Variants in C18orf63 observed in about 807,000 individuals in gnomAD.
The protein encoded by C18orf63 is chromosome 18 open reading frame 63.
A neutral mutation model predicts 75.3 loss-of-function variants in C18orf63; 50 were observed. That is an observed-to-expected ratio of 0.66 (90% confidence interval 0.53 to 0.84). C18orf63 has a LOEUF of 0.84. Among genes scored for constraint, C18orf63 ranks in the 40% least tolerant of loss-of-function variants. The probability of loss-of-function intolerance (pLI) is 0.00; values close to 1 mark genes in which losing one functional copy is unlikely to be tolerated. For missense variants in C18orf63, 732 were observed against 800.2 expected (o/e 0.91, Z 1.03); for synonymous variants, 232 against 267.6 (o/e 0.87, Z 1.30).
At chr18:74,332,996 G>T (rs1043032764) in intron 7 of C18orf63, among the ~76,000 whole-genome samples, 1 of 152,144 alleles carries the variant, frequency 6.6e-6, no homozygotes, top group Non-Finnish European at 1.5e-5. Flanking sequence ...AGATCAGAAT[G>T]TCACTTGTAT....
intron 8 of C18orf63, among the ~76,000 whole-genome samples, chr18:74,341,132 T>C (rs901705392): frequency 4.0e-5 from 6 of 150,866 alleles, no homozygotes; most frequent in South Asian, 2.1e-4. Flanking sequence ...GGCGTAGTGG[T>C]GGGCGCCTGT....
At chr18:74,322,595 G>T in intron 3 of C18orf63, 103 bp from the exon 4 acceptor site, 1 of 345,384 alleles carries the variant, frequency 2.9e-6, no homozygotes, top group Non-Finnish European at 5.2e-6. Flanking sequence ...ATGATGGCCT[G>T]ATTCTTTGCC....
At position 74,341,270 on chromosome 18, in the gene C18orf63, CAAAAAAAAAAA is replaced by C. The variant is rs58362707; in HGVS notation, c.612-739_612-729del. On this transcript the variant is annotated intron_variant, in intron 8 of 13. Transcript: ENST00000579455. ...TGGGCGACAGAGCGAGACTCCGTCT[CAAAAAAAAAAA>C]AAAAAAAAAAAAAAAAAAAAAAGTA... Among the ~76,000 whole-genome samples, 17 of 59,000 alleles carry C rather than the reference CAAAAAAAAAAA, an allele frequency of 2.9e-4. 1 individual carries two copies. Among genetic ancestry groups the C allele is most frequent in the African/African-American group, 3.7e-4 (5 of 13,632 alleles). The allele number at this position is 59,000 out of a possible 152,430, so 38.7% of individuals were successfully genotyped here.
At chr18:74,329,383 A>AAC (rs1231259115) in intron 6 of C18orf63, among the ~76,000 whole-genome samples, 18 of 151,888 alleles carry the variant, frequency 1.2e-4, no homozygotes, top group African/African-American at 4.3e-4. Context: ...CAAAAAAAAA[A>AAC]AAAAAAAAAA....
rs1984598265 is a variant in C18orf63 at position 74,347,788 on chromosome 18, CTTGTT to C, written c.978+4094_978+4098del. Among the ~76,000 whole-genome samples, 3 of 152,124 alleles carry C rather than the reference CTTGTT, an allele frequency of 2.0e-5. No homozygotes were observed. The South Asian group carries it at 6.2e-4, about 31-fold the overall frequency. On this transcript the variant is annotated intron_variant, in intron 11 of 13. Coordinates refer to ENST00000579455, the MANE Select transcript of C18orf63 (RefSeq NM_001174123.2). ...AAAAAATTAGGAATCCTTAGTCAAA[CTTGTT>C]TTGTTTTAACATATAGAAAATGTCA...
chr18:74,341,035 C>G (rs1984472627), intron 8 of C18orf63, among the ~76,000 whole-genome samples: 1 of 151,994 alleles, frequency 6.6e-6, no homozygotes, highest in Non-Finnish European at 1.5e-5. Context: ...GAGGCCGAGG[C>G]TGGCGGATCA....
At chr18:74,316,517 C>G (rs1050155986) in intron 1 of C18orf63, among the ~76,000 whole-genome samples, 2 of 152,132 alleles carry the variant, frequency 1.3e-5, no homozygotes, top group Non-Finnish European at 2.9e-5. Flanking sequence ...GCGCACAGCA[C>G]TGCAGGAGCT....
intron 4 of C18orf63, among the ~76,000 whole-genome samples, chr18:74,324,996 A>G (rs1328801932): frequency 1.3e-5 from 2 of 152,214 alleles, no homozygotes; most frequent in Admixed American, 6.5e-5. Flanking sequence ...CATAATCATA[A>G]TCAGCAGATA....
At chr18:74,329,231 T>C (rs917474905) in intron 6 of C18orf63, among the ~76,000 whole-genome samples, 195 bp downstream of exon 6, 2 of 151,808 alleles carry the variant, frequency 1.3e-5, no homozygotes, top group African/African-American at 4.8e-5. Context: ...TCTACAAAAT[T>C]ATTAGCCAGG....
intron 7 of C18orf63, among the ~76,000 whole-genome samples, chr18:74,334,109 A>G (rs976230768): frequency 2.1e-4 from 32 of 152,026 alleles, no homozygotes; most frequent in Admixed American, 2.1e-3. Flanking sequence ...ATTGCATTTA[A>G]TTTTCCTTTT....
intron 7 of C18orf63, among the ~76,000 whole-genome samples, chr18:74,335,615 A>G (rs1272811411): frequency 6.6e-6 from 1 of 152,154 alleles, no homozygotes; most frequent in Non-Finnish European, 1.5e-5. Context: ...GAAAAGCATT[A>G]TGTAATATTA....
At position 74,358,268 on chromosome 18, in the gene C18orf63, G is replaced by A. The variant is rs2144450028; in HGVS notation, c.*1821G>A. On this transcript the variant is annotated 3_prime_UTR_variant, in exon 14 of 14. Transcript: ENST00000579455. ...AGTTTAGATCAATGTTAACCTACAT[G>A]GCAAAACCTGCCATGTTTAGTGTAT... is the stretch of plus-strand genomic sequence containing the variant. 7.8e-6 allele frequency: 1 copy of A among 127,434 alleles called. No homozygotes were observed. The highest frequency in any genetic ancestry group is 1.7e-5 in the Non-Finnish European group (1 of 57,678). The allele number at this position is 127,434 out of a possible 1,614,324, so 7.9% of individuals were successfully genotyped here.
rs1357607698 is a variant in C18orf63 at position 74,353,416 on chromosome 18, A to T, written c.1149A>T (p.Ser383=). ...GCCAGCCAACATCAGGCATTTTCTC[A>T]GCTTTGCATCTCCAGCCAGAGTCTG... ...SVSQPTSGIF[S]ALHLQPESVQ... The change falls in exon 12 of 14, where the codon TCA becomes TCT. Residue 383 remains serine (S), a synonymous_variant. Coordinates refer to ENST00000579455, the MANE Select transcript of C18orf63 (RefSeq NM_001174123.2). 12 of 1,536,320 alleles carry T rather than the reference A, an allele frequency of 7.8e-6. No homozygotes were observed. In the South Asian group the frequency reaches 1.3e-4, roughly 17 times the overall value.
At chr18:74,345,324 T>C (rs1984556939) in intron 11 of C18orf63, among the ~76,000 whole-genome samples, 1 of 152,104 alleles carries the variant, frequency 6.6e-6, no homozygotes, top group Non-Finnish European at 1.5e-5. Flanking sequence ...TTCTATAACA[T>C]GCTTTCTCTC....
chr18:74,345,079 GC>G (rs1984550713), intron 11 of C18orf63, among the ~76,000 whole-genome samples: 1 of 152,016 alleles, frequency 6.6e-6, no homozygotes, highest in Non-Finnish European at 1.5e-5. Context: ...TTGAATTTCA[GC>G]CCTTCTGATA....
intron 11 of C18orf63, 113 bp downstream of exon 11, chr18:74,343,815 A>T (rs11151947): frequency 1.2e-5 from 6 of 500,646 alleles, no homozygotes; most frequent in African/African-American, 2.0e-5. Flanking sequence ...TAATTCTTTT[A>T]TCTCAGTTCA....
rs1409219426 is a variant in C18orf63, at chr18:74,320,546, A to G, written c.168A>G (p.Thr56=). Residue 56 remains threonine, a synonymous_variant, in exon 3 of 14, where the codon ACA becomes ACG. Transcript: ENST00000579455. ...QLLFLHQDIL[T]SPVSGILNQI... is the part of the protein sequence containing the mutation. ...TGTTTTTGCATCAAGATATTCTTAC[A>G]TCACCTGTGTCTGGAATATTAAACC... is the stretch of plus-strand genomic sequence containing the variant. 3.3e-6 allele frequency: 5 copies of G among 1,534,410 alleles called. No individual in the cohort carries two copies. Among genetic ancestry groups the G allele is most frequent in the African/African-American group, 1.4e-5 (1 of 72,958 alleles).
rs8086706 is a variant in C18orf63 at position 74,315,893 on chromosome 18, C to G, written c.-249C>G. 0.037 allele frequency: 5,618 copies of G among 152,496 alleles called. 362 individuals carry two copies. The highest frequency in any genetic ancestry group is 0.13 in the African/African-American group (5,287 of 41,486). The allele number at this position is 152,496 out of a possible 1,614,324, so 9.4% of individuals were successfully genotyped here. A position where few individuals can be genotyped will look rare whatever the true frequency, so the allele number is the denominator to read the frequency against. On this transcript the variant is annotated 5_prime_UTR_variant, in exon 1 of 14. Transcript: ENST00000579455. ...AGCCGGGAGCGTCTCCTGAGGGCAG[C>G]GAGGAGGGAGCTGAGGCACGCGGGC...
chr18:74,327,822 A>G (rs1377167882), intron 4 of C18orf63, 125 bp from the exon 5 acceptor site: 1 of 622,338 alleles, frequency 1.6e-6, no homozygotes. Flanking sequence ...CAATGGCTAT[A>G]AGTTTTACCT....
Sources: allele counts gnomAD v4.1 joint callset (sites outside exome capture counted in the v4.1 genomes callset), GRCh38; gene constraint gnomAD v4.1.1; transcripts MANE v1.5; gene names NCBI Gene and HGNC (gene_info 2026-07-23, HGNC 2026-07-21).